SLC35F4: variants seen among roughly 807,000 people sequenced by gnomAD.
SLC35F4 encodes solute carrier family 35 member F4.
In SLC35F4, 24 loss-of-function variants were observed where a neutral mutation model predicts 44.2. The ratio of observed to expected loss-of-function variants is 0.54; its 90% CI spans 0.39 to 0.76. The LOEUF (loss-of-function observed/expected upper bound fraction) is 0.76, where lower values mean the gene tolerates loss of function less well. Ranked by LOEUF, SLC35F4 falls within the 30% of genes least tolerant of loss-of-function variation. The probability of loss-of-function intolerance (pLI) is 0.00; values close to 1 mark genes in which losing one functional copy is unlikely to be tolerated. For missense variants in SLC35F4, 562 were observed against 586.1 expected (o/e 0.96, Z 0.42); for synonymous variants, 238 against 223.6 (o/e 1.06, Z -0.57).
intron 1 of SLC35F4, among the ~76,000 whole-genome samples, chr14:57,890,788 G>A (rs1888744997): frequency 6.6e-6 from 1 of 152,196 alleles, no homozygotes; most frequent in Admixed American, 6.5e-5. Flanking sequence ...AAAGGGGACT[G>A]CTGGACCCAT....
intron 1 of SLC35F4, among the ~76,000 whole-genome samples, chr14:57,604,417 C>A (rs564148670): frequency 2.0e-5 from 3 of 152,192 alleles, no homozygotes; most frequent in African/African-American, 7.2e-5. Context: ...AAGATCTCTA[C>A]AAGGAGAATT....
At chr14:57,607,749 T>C (rs1042875416) in intron 1 of SLC35F4, among the ~76,000 whole-genome samples, 1 of 152,128 alleles carries the variant, frequency 6.6e-6, no homozygotes, top group African/African-American at 2.4e-5. Flanking sequence ...AAACTTGAGG[T>C]AGAATGACTT....
In SLC35F4 at chr14:57,662,322, T is replaced by C. The variant is rs540559948; in HGVS notation, c.104-68198A>G. On this transcript the variant is annotated intron_variant, in intron 1 of 7. Coordinates refer to ENST00000556826, the MANE Select transcript of SLC35F4 (RefSeq NM_001306087.2). ...ATTAGAGCATGCCGTGATTTGAATA[T>C]AGTTGGTCCCAGCAAAACTTATATT... 9.2e-5 allele frequency among the ~76,000 whole-genome samples: 14 copies of C among 152,310 alleles called. No homozygotes were observed. In the South Asian group the frequency reaches 2.5e-3, roughly 27 times the overall value.
chr14:57,593,078 C>G (rs1339733320), intron 2 of SLC35F4, among the ~76,000 whole-genome samples: 1 of 152,162 alleles, frequency 6.6e-6, no homozygotes, highest in African/African-American at 2.4e-5. Context: ...AGTCATCCCA[C>G]AGTGATGGTA....
intron 1 of SLC35F4, among the ~76,000 whole-genome samples, chr14:57,940,546 T>A (rs1303482566): frequency 1.3e-5 from 2 of 152,196 alleles, no homozygotes. Flanking sequence ...TAATGACCAG[T>A]GTATGGTTAT....
chr14:57,812,417 T>C (rs1439227710), intron 1 of SLC35F4, among the ~76,000 whole-genome samples: 1 of 152,188 alleles, frequency 6.6e-6, no homozygotes, highest in African/African-American at 2.4e-5. Context: ...TTCTGGCCTT[T>C]GACTAAGTCC....
chr14:57,641,531 C>T (rs1165744174), intron 1 of SLC35F4, among the ~76,000 whole-genome samples: 1 of 151,952 alleles, frequency 6.6e-6, no homozygotes, highest in Admixed American at 6.6e-5. Flanking sequence ...CTGCTAAAGT[C>T]ATGACCTATT....
At chr14:57,633,580 C>G (rs1412237865) in intron 1 of SLC35F4, among the ~76,000 whole-genome samples, 1 of 152,070 alleles carries the variant, frequency 6.6e-6, no homozygotes, top group Non-Finnish European at 1.5e-5. Flanking sequence ...CCCATGTACC[C>G]TTCACCCAGC....
chr14:57,673,093 C>A (rs994065882), intron 1 of SLC35F4, among the ~76,000 whole-genome samples: 1 of 152,010 alleles, frequency 6.6e-6, no homozygotes, highest in African/African-American at 2.4e-5. Flanking sequence ...AGATGATGAA[C>A]CATGAATTTG....
intron 1 of SLC35F4, among the ~76,000 whole-genome samples, chr14:57,700,904 T>C (rs2075521203): frequency 6.6e-6 from 1 of 152,110 alleles, no homozygotes; most frequent in South Asian, 2.1e-4. Flanking sequence ...AGACCCTGTG[T>C]CAAACAAACA....
At chr14:57,668,796 T>A (rs2074408125) in intron 1 of SLC35F4, among the ~76,000 whole-genome samples, 1 of 152,146 alleles carries the variant, frequency 6.6e-6, no homozygotes, top group African/African-American at 2.4e-5. Context: ...TGGCTTAGGA[T>A]TGACTTGGCG....
chr14:57,784,326 C>T (rs1196918876), intron 1 of SLC35F4, among the ~76,000 whole-genome samples: 1 of 152,138 alleles, frequency 6.6e-6, no homozygotes, highest in Non-Finnish European at 1.5e-5. Context: ...ACAACATAGA[C>T]CTTTTGTGTG....
chr14:57,947,357 T>G (rs1429917867), intron 1 of SLC35F4, among the ~76,000 whole-genome samples: 1 of 152,104 alleles, frequency 6.6e-6, no homozygotes, highest in South Asian at 2.1e-4. Flanking sequence ...ATAGCAGTGC[T>G]ACTGATTTGT....
chr14:57,953,486 G>A (rs1890179074), intron 1 of SLC35F4, among the ~76,000 whole-genome samples: 1 of 152,090 alleles, frequency 6.6e-6, no homozygotes, highest in Non-Finnish European at 1.5e-5. Flanking sequence ...ACACAGACTG[G>A]CAAATTGGAT....
At chr14:57,864,974 G>A (rs1051271447) in intron 1 of SLC35F4, among the ~76,000 whole-genome samples, 1 of 152,046 alleles carries the variant, frequency 6.6e-6, no homozygotes, top group Non-Finnish European at 1.5e-5. Flanking sequence ...AAGCATCCAC[G>A]CCGCATGACC....
intron 1 of SLC35F4, among the ~76,000 whole-genome samples, chr14:57,730,998 T>C (rs981119937): frequency 6.6e-6 from 1 of 152,180 alleles, no homozygotes; most frequent in Non-Finnish European, 1.5e-5. Context: ...AGGGAGAATA[T>C]TATATTTAAG....
At chr14:57,871,829 T>G (rs186054516) in intron 1 of SLC35F4, among the ~76,000 whole-genome samples, 44 of 152,354 alleles carry the variant, frequency 2.9e-4, no homozygotes, top group African/African-American at 1.0e-3. Context: ...CCATCAGCAT[T>G]CAGGATGACT....
rs1042346175 is a variant in SLC35F4 at position 57,793,250 on chromosome 14, AT to A, written c.103+72472del. On this transcript the variant is annotated intron_variant, in intron 1 of 7. Coordinates refer to ENST00000556826, the MANE Select transcript of SLC35F4 (RefSeq NM_001306087.2). Reference sequence around the variant, plus strand: ...TTATGCTCATTTTTTAAAAACTTTTATTTTTTTTTTTTCAATTGCTTTAGGG... The same window carrying A: ...TTATGCTCATTTTTTAAAAACTTTTATTTTTTTTTTTCAATTGCTTTAGGG... Among the ~76,000 whole-genome samples, 378 of 148,798 alleles carry A rather than the reference AT, an allele frequency of 2.5e-3. 2 individuals carry two copies. Among genetic ancestry groups the A allele is most frequent in the Non-Finnish European group, 4.2e-3 (277 of 66,492 alleles).
At chr14:57,642,654 T>A (rs1456896539) in intron 1 of SLC35F4, among the ~76,000 whole-genome samples, 1 of 151,962 alleles carries the variant, frequency 6.6e-6, no homozygotes, top group African/African-American at 2.4e-5. Flanking sequence ...GAAATATCTC[T>A]GGATGGTTGT....
Sources: gnomAD v4.1 joint callset for allele counts (sites outside exome capture counted in the v4.1 genomes callset) on GRCh38, gnomAD v4.1.1 for gene constraint, MANE v1.5 for transcripts, NCBI Gene and HGNC (gene_info 2026-07-23, HGNC 2026-07-21) for gene names.